METTL15: variants seen among roughly 807,000 people sequenced by gnomAD.
METTL15 encodes the protein 12S rRNA N(4)-cytidine methyltransferase METTL15.
In METTL15, 34 loss-of-function variants were observed where a neutral mutation model predicts 38.3. That is an observed-to-expected ratio of 0.89 (90% CI 0.68 to 1.18). The LOEUF is 1.18. METTL15 is among the 50% of genes most tolerant of loss of function. The probability of loss-of-function intolerance (pLI) is 0.00; values close to 1 mark genes in which losing one functional copy is unlikely to be tolerated. For missense variants in METTL15, 438 were observed against 498.4 expected, an observed-to-expected ratio of 0.88 and a Z score of 1.15; for synonymous variants, 162 against 170.9, an observed-to-expected ratio of 0.95 and a Z score of 0.41.
At chr11:28,508,695 C>A (rs746675397) in intron 6 of METTL15, among the ~76,000 whole-genome samples, 1 of 152,156 alleles carries the variant, frequency 6.6e-6, no homozygotes, top group Admixed American at 6.5e-5. Context: ...CTTGCAATGC[C>A]TACTTGGTTT....
At chr11:28,226,617 T>C (rs943020514) in intron 4 of METTL15, among the ~76,000 whole-genome samples, 1 of 151,954 alleles carries the variant, frequency 6.6e-6, no homozygotes, top group Non-Finnish European at 1.5e-5. Flanking sequence ...CAATGGCAAG[T>C]CTCGAACTCA....
chr11:28,272,578 G>A (rs548725469), intron 4 of METTL15, among the ~76,000 whole-genome samples: 2 of 152,254 alleles, frequency 1.3e-5, no homozygotes, highest in African/African-American at 4.8e-5. Flanking sequence ...GGGGGTGTGC[G>A]TTCAGGACAG....
intron 6 of METTL15, among the ~76,000 whole-genome samples, chr11:28,427,365 T>C (rs186671116): frequency 2.5e-4 from 38 of 152,264 alleles, no homozygotes; most frequent in African/African-American, 8.9e-4. Flanking sequence ...AATCAGGTAG[T>C]GTGATGCCTC....
chr11:28,397,475 G>A (rs1850583752), intron 5 of METTL15, among the ~76,000 whole-genome samples: 2 of 152,066 alleles, frequency 1.3e-5, no homozygotes, highest in African/African-American at 2.4e-5. Flanking sequence ...GCAGCCAAAA[G>A]ACACATGAAA....
chr11:28,393,778 T>C (rs1838320328), intron 5 of METTL15, among the ~76,000 whole-genome samples: 1 of 152,104 alleles, frequency 6.6e-6, no homozygotes, highest in African/African-American at 2.4e-5. Context: ...CCTGGTTCAC[T>C]GTAGGAAGAG....
intron 5 of METTL15, among the ~76,000 whole-genome samples, chr11:28,390,688 C>T (rs530154666): frequency 1.2e-4 from 19 of 152,234 alleles, no homozygotes; most frequent in Non-Finnish European, 1.5e-5. Flanking sequence ...GTTCTTGTGG[C>T]TTAGGATTGA....
chr11:28,463,471 A>T (rs538546169), intron 6 of METTL15, among the ~76,000 whole-genome samples: 5 of 152,268 alleles, frequency 3.3e-5, no homozygotes, highest in Admixed American at 3.3e-4. Context: ...GGAGCAGCAA[A>T]TTATAAATGA....
intron 6 of METTL15, among the ~76,000 whole-genome samples, chr11:28,493,286 TC>T (rs1390275814): frequency 2.0e-5 from 3 of 152,210 alleles, no homozygotes; most frequent in Admixed American, 1.3e-4. Context: ...GGAGTGAGCC[TC>T]CCCATGCTTA....
rs938411512 is a variant in METTL15 at position 28,456,425 on chromosome 11, TTTTTTTTG to T, written c.*424+32065_*424+32072del. The stretch of plus-strand genomic sequence containing the variant: ...TGTATCATAGCCCCCAGGGTTGTTT[TTTTTTTTG>T]TTTGTTTGTTTGTTTTGTTTTGTTT... On this transcript the variant is annotated intron_variant and NMD_transcript_variant, in intron 6 of 7. Transcript: ENST00000532947. Among the ~76,000 whole-genome samples, 23 of 145,678 alleles carry T rather than the reference TTTTTTTTG, an allele frequency of 1.6e-4. No individual in the cohort carries two copies. In the South Asian group the frequency reaches 4.8e-3, roughly 30 times the overall value.
intron 6 of METTL15, among the ~76,000 whole-genome samples, chr11:28,304,258 T>A (rs1352077849): frequency 1.3e-5 from 2 of 152,106 alleles, no homozygotes; most frequent in African/African-American, 4.8e-5. Flanking sequence ...ATGTGACTTG[T>A]AGGAAGGAGA....
chr11:28,210,957 A>G, intron 3 of METTL15, 105 bp from the exon 4 acceptor site: 1 of 1,183,564 alleles, frequency 8.4e-7, no homozygotes, highest in South Asian at 1.6e-5. Context: ...TTTCCTATTT[A>G]CTGTCAAGTC....
At chr11:28,304,076 T>G (rs942989265) in intron 6 of METTL15, among the ~76,000 whole-genome samples, 2 of 152,156 alleles carry the variant, frequency 1.3e-5, no homozygotes, top group African/African-American at 4.8e-5. Context: ...TAAGCATTTT[T>G]TTTTCTCCTC....
intron 4 of METTL15, among the ~76,000 whole-genome samples, chr11:28,260,258 A>G (rs1380408870): frequency 6.6e-6 from 1 of 152,130 alleles, no homozygotes; most frequent in African/African-American, 2.4e-5. Context: ...TCCCTGTTTC[A>G]TAGATGTCAC....
At chr11:28,167,760 A>G (rs1850706771) in intron 3 of METTL15, among the ~76,000 whole-genome samples, 1 of 151,672 alleles carries the variant, frequency 6.6e-6, no homozygotes, top group Admixed American at 6.6e-5. Context: ...AAATATATAA[A>G]TTTATACTGT....
Position 28,243,083 on chromosome 11 carries a change from A to C in METTL15, c.407+31885A>C, listed in dbSNP as rs762530173. 2.7e-5 allele frequency among the ~76,000 whole-genome samples: 4 copies of C among 147,388 alleles called. No homozygotes were observed. In the South Asian group the frequency reaches 6.4e-4, roughly 23 times the overall value. On this transcript the variant is annotated intron_variant, in intron 4 of 6. Transcript: ENST00000407364. ...AATTCTGCCTGATGATTGGAGTGTA[A>C]AAAAAAAAAAACAGTGTGGAAGTAA...
intron 6 of METTL15, among the ~76,000 whole-genome samples, chr11:28,325,259 A>G (rs536020865): frequency 9.2e-5 from 14 of 152,312 alleles, no homozygotes; most frequent in African/African-American, 2.9e-4. Flanking sequence ...CTTTGCTCTG[A>G]ACTCACTGAG....
intron 3 of METTL15, among the ~76,000 whole-genome samples, chr11:28,347,671 T>C (rs1850007172): frequency 6.6e-6 from 1 of 152,192 alleles, no homozygotes; most frequent in Non-Finnish European, 1.5e-5. Context: ...CCAGCCCATC[T>C]CCCTGGCTGC....
At position 28,421,247 on chromosome 11, in the gene METTL15, G is replaced by T. The variant is rs149829022; in HGVS notation, c.*359-3052G>T. Among the ~76,000 whole-genome samples the T allele has an allele frequency of 3.2e-4, 48 of 152,026 alleles. 1 individual carries two copies. The East Asian group carries it at 8.3e-3, about 26-fold the overall frequency. On this transcript the variant is annotated intron_variant and NMD_transcript_variant, in intron 5 of 7. Transcript: ENST00000532947. ...ACATCTCCCAGCAGAAAAAAGCCTA[G>T]GTCTTGGCGGATTCACTGCTGAATT...
intron 6 of METTL15, among the ~76,000 whole-genome samples, chr11:28,511,049 C>T (rs1451024508): frequency 6.6e-6 from 1 of 152,098 alleles, no homozygotes; most frequent in African/African-American, 2.4e-5. Context: ...TTAAAGAGAA[C>T]CCAGGAAGGC....
Sources: gnomAD v4.1 joint callset for allele counts (sites outside exome capture counted in the v4.1 genomes callset) on GRCh38, gnomAD v4.1.1 for gene constraint, MANE v1.5 for transcripts, NCBI Gene and HGNC (gene_info 2026-07-23, HGNC 2026-07-21) for gene names.